The following CALN1 variants were observed in gnomAD, a reference collection of about 807,000 sequenced individuals.
CALN1 encodes the protein calcium-binding protein 8.
CALN1 carries 17 observed loss-of-function variants against 30.6 expected under a neutral mutation model. That is an observed-to-expected ratio of 0.56 (90% CI 0.38 to 0.83). The LOEUF (loss-of-function observed/expected upper bound fraction) is 0.83. Among genes scored for constraint, CALN1 ranks in the 40% least tolerant of loss-of-function variants. CALN1 has a pLI of 0.00. For missense variants in CALN1, 291 were observed against 354.9 expected, an observed-to-expected ratio of 0.82 and a Z score of 1.45; for synonymous variants, 156 against 131.4, an observed-to-expected ratio of 1.19 and a Z score of -1.28.
intron 5 of CALN1, among the ~76,000 whole-genome samples, chr7:71,899,992 A>G (rs1380266717): frequency 6.6e-6 from 1 of 152,262 alleles, no homozygotes. Context: ...AAAACCTTTT[A>G]AATCATAAAA....
intron 3 of CALN1, among the ~76,000 whole-genome samples, chr7:72,121,575 A>G (rs1808396573): frequency 6.7e-6 from 1 of 148,716 alleles, no homozygotes; most frequent in South Asian, 2.1e-4. Flanking sequence ...GTCTCTTTAG[A>G]GGAAATACAA....
At chr7:72,393,158 A>G (rs1343849690) in intron 2 of CALN1, among the ~76,000 whole-genome samples, 1 of 152,106 alleles carries the variant, frequency 6.6e-6, no homozygotes, top group South Asian at 2.1e-4. Flanking sequence ...TTAAAGTCCA[A>G]TATTTTTGCC....
chr7:71,861,182 TGTGTGTGTGC>T (rs1273362353), intron 5 of CALN1, among the ~76,000 whole-genome samples: 1 of 151,810 alleles, frequency 6.6e-6, no homozygotes, highest in Non-Finnish European at 1.5e-5. Flanking sequence ...GTGTGGGGTG[TGTGTGTGTGC>T]GTGTGTGTGT....
intron 3 of CALN1, among the ~76,000 whole-genome samples, chr7:72,234,797 C>G (rs1361074964): frequency 6.6e-6 from 1 of 152,116 alleles, no homozygotes; most frequent in Non-Finnish European, 1.5e-5. Context: ...GAGGCCATCT[C>G]TAATTTAATT....
chr7:72,444,794 C>T (rs1808470843), intron 1 of CALN1, among the ~76,000 whole-genome samples: 1 of 152,158 alleles, frequency 6.6e-6, no homozygotes, highest in African/African-American at 2.4e-5. Flanking sequence ...TACCATGTTA[C>T]AGACAGAGAA....
intron 5 of CALN1, among the ~76,000 whole-genome samples, chr7:71,961,937 A>G (rs1212177154): frequency 1.3e-5 from 2 of 152,068 alleles, no homozygotes; most frequent in African/African-American, 2.4e-5. Flanking sequence ...CAGCCCTTGG[A>G]GTGGGAACAA....
At chr7:72,239,007 A>T (rs1471842234) in intron 3 of CALN1, among the ~76,000 whole-genome samples, 1 of 152,206 alleles carries the variant, frequency 6.6e-6, no homozygotes, top group Non-Finnish European at 1.5e-5. Context: ...GCCCCACCTT[A>T]AACAGCCTGA....
intron 5 of CALN1, among the ~76,000 whole-genome samples, chr7:71,818,724 T>A (rs191372162): frequency 2.9e-4 from 39 of 136,264 alleles, no homozygotes; most frequent in African/African-American, 1.0e-3. Flanking sequence ...TTATTTATTT[T>A]TTTGAGCTGG....
intron 3 of CALN1, among the ~76,000 whole-genome samples, chr7:72,136,200 T>C (rs1367029532): frequency 3.9e-5 from 6 of 152,030 alleles, no homozygotes; most frequent in Non-Finnish European, 2.9e-5. Context: ...TTGAAAAATC[T>C]GTTGTTGAGT....
chr7:72,157,219 T>C (rs1005699298), intron 3 of CALN1, among the ~76,000 whole-genome samples: 4 of 152,184 alleles, frequency 2.6e-5, no homozygotes, highest in African/African-American at 7.2e-5. Flanking sequence ...TTGAATGCGT[T>C]GCATGCCAAG....
At chr7:72,241,578 T>C (rs1794836309) in intron 3 of CALN1, among the ~76,000 whole-genome samples, 1 of 152,042 alleles carries the variant, frequency 6.6e-6, no homozygotes, top group African/African-American at 2.4e-5. Context: ...TGGTGGCGCA[T>C]GCCTGTAATC....
the CALN1 span, among the ~76,000 whole-genome samples, chr7:72,461,641 C>G: frequency 1.1e-4 from 17 of 151,996 alleles, no homozygotes; most frequent in African/African-American, 3.6e-4. Flanking sequence ...AATAATGGAC[C>G]CTGGGGACTA....
intron 3 of CALN1, among the ~76,000 whole-genome samples, chr7:72,214,768 G>C (rs1035008670): frequency 6.6e-6 from 1 of 151,980 alleles, no homozygotes; most frequent in African/African-American, 2.4e-5. Context: ...CCCGCCGCTC[G>C]CATTCCCGCC....
the CALN1 span, among the ~76,000 whole-genome samples, chr7:72,460,651 A>C: frequency 1.3e-5 from 2 of 152,110 alleles, no homozygotes; most frequent in African/African-American, 4.8e-5. Flanking sequence ...AAAATGAAAA[A>C]GAAAGAAAAT....
chr7:72,179,029 T>C (rs1789569437), intron 3 of CALN1, among the ~76,000 whole-genome samples: 1 of 152,222 alleles, frequency 6.6e-6, no homozygotes, highest in African/African-American at 2.4e-5. Flanking sequence ...CTGGTGATTT[T>C]TTTGGACTAA....
chr7:72,437,512 C>A (rs991950153), intron 1 of CALN1, among the ~76,000 whole-genome samples: 11 of 120,472 alleles, frequency 9.1e-5, no homozygotes, highest in Middle Eastern at 8.2e-3. Flanking sequence ...AGGTGAGAAA[C>A]CCAGTTGTGT....
At chr7:72,049,878 C>T (rs867179183) in intron 4 of CALN1, among the ~76,000 whole-genome samples, 9 of 145,980 alleles carry the variant, frequency 6.2e-5, no homozygotes, top group South Asian at 2.2e-4. Flanking sequence ...GGTGCAATCT[C>T]GGCTCACTGC....
chr7:72,335,957 C>G (rs1325298908), intron 2 of CALN1, among the ~76,000 whole-genome samples: 1 of 152,194 alleles, frequency 6.6e-6, no homozygotes, highest in Non-Finnish European at 1.5e-5. Flanking sequence ...TGCGCTAGTC[C>G]GGAGAAACTA....
At chr7:71,796,193 G>A (rs529791365) in intron 6 of CALN1, among the ~76,000 whole-genome samples, 7 of 151,828 alleles carry the variant, frequency 4.6e-5, no homozygotes, top group Non-Finnish European at 7.4e-5. Flanking sequence ...TTATCCATTC[G>A]TAAGCTATAA....
Sources: gnomAD v4.1 joint callset for allele counts (sites outside exome capture counted in the v4.1 genomes callset) on GRCh38, gnomAD v4.1.1 for gene constraint, MANE v1.5 for transcripts, NCBI Gene and HGNC (gene_info 2026-07-23, HGNC 2026-07-21) for gene names.